Variants in CFAP69 observed in about 807,000 individuals in gnomAD.
CFAP69 encodes the protein cilia and flagella associated protein 69, also known as cilia- and flagella-associated protein 69.
In CFAP69, 92 loss-of-function variants were observed where a neutral mutation model predicts 123.0. That is an observed-to-expected ratio of 0.75 (90% CI 0.63 to 0.89). CFAP69 has a LOEUF of 0.89. Among genes scored for constraint, CFAP69 ranks in the 40% least tolerant of loss-of-function variants. The pLI is 0.00. For synonymous variants in CFAP69, 380 were observed against 364.3 expected (o/e 1.04, Z -0.49); for missense variants, 1,067 against 1,096.9 (o/e 0.97, Z 0.39).
chr7:90,292,769 G>A (rs777348071), intron 15 of CFAP69, among the ~76,000 whole-genome samples: 2 of 152,130 alleles, frequency 1.3e-5, no homozygotes, highest in Non-Finnish European at 2.9e-5. Flanking sequence ...TTAGACTTCT[G>A]TTAGTTTAGT....
the CFAP69 span, chr7:90,317,092 T>C: frequency 7.1e-6 from 1 of 140,880 alleles, no homozygotes; most frequent in Non-Finnish European, 1.5e-5. Context: ...TGTCAGGTCA[T>C]TTTTTTTTTT....
chr7:90,256,748 C>T (rs1288733235), intron 2 of CFAP69, among the ~76,000 whole-genome samples: 2 of 152,086 alleles, frequency 1.3e-5, no homozygotes, highest in East Asian at 3.8e-4. Context: ...ACTATATCTA[C>T]ATTTCCTTAA....
chr7:90,257,967 G>A (rs996091575), intron 2 of CFAP69, 131 bp from the exon 3 acceptor site: 36 of 614,424 alleles, frequency 5.9e-5, no homozygotes, highest in Non-Finnish European at 7.8e-5. Context: ...ATTTTATAAC[G>A]TTTACATTAT....
chr7:90,292,310 G>T lies in CFAP69; in HGVS notation c.1775+3958G>T, dbSNP rs201718437. Among the ~76,000 whole-genome samples the T allele has an allele frequency of 5.3e-5, 8 of 152,144 alleles. No homozygotes were observed. In the East Asian group the frequency reaches 7.7e-4, roughly 15 times the overall value. ...TCTTGAGGTCCCAAGATAACTTGGG[G>T]CTCCTGGGCCTGTCAGAAAGTGACA... On this transcript the variant is annotated intron_variant, in intron 15 of 22. Transcript: ENST00000389297.
At chr7:90,254,034 T>C (rs2116614120) in intron 1 of CFAP69, among the ~76,000 whole-genome samples, 1 of 152,314 alleles carries the variant, frequency 6.6e-6, no homozygotes, top group African/African-American at 2.4e-5. Flanking sequence ...CATAGGAGTC[T>C]AGTTTCATTC....
Position 90,309,264 on chromosome 7 carries a change from A to C in CFAP69, c.2552A>C (p.Lys851Thr). ...ARTSNAKTLK[K>T]AKSLQEKAIE... ...TCTTTCTAATTTAAAAATCCTCAGA[A>C]AGCAAAAAGCCTTCAAGAAAAAGCT... Residue 851 changes from lysine (K) to threonine (T), a missense_variant and splice_region_variant, in exon 22 of 23, where the codon AAA (lysine) becomes ACA (threonine). Lys to Thr is a moderately conservative substitution (Grantham distance 78). Transcript: ENST00000389297. The C allele has an allele frequency of 1.4e-6, 2 of 1,467,636 alleles. No individual in the cohort carries two copies. Among genetic ancestry groups the C allele is most frequent in the Non-Finnish European group, 1.8e-6 (2 of 1,086,144 alleles). The allele number at this position is 1,467,636 out of a possible 1,614,324, so 90.9% of individuals were successfully genotyped here.
Position 90,245,411 on chromosome 7 carries a change from C to G in CFAP69, c.-14C>G, listed in dbSNP as rs1339221860. On this transcript the variant is annotated 5_prime_UTR_variant, in exon 1 of 23. Transcript: ENST00000389297. ...AGGAAGATCCCCCCACTCTCCACCC[C>G]GCCGCCACCGGCCATGTGGACAGAG... is the stretch of plus-strand genomic sequence containing the variant. The G allele has an allele frequency of 6.5e-7, 1 of 1,538,338 alleles. No individual in the cohort carries two copies. Among genetic ancestry groups the G allele is most frequent in the Admixed American group, 2.1e-5 (1 of 48,688 alleles).
At chr7:90,261,393 C>T (rs761952017) in intron 3 of CFAP69, among the ~76,000 whole-genome samples, 17 of 152,138 alleles carry the variant, frequency 1.1e-4, no homozygotes, top group Non-Finnish European at 2.1e-4. Context: ...ATAAAAGATG[C>T]TTTTATCTGA....
At chr7:90,296,543 G>C (rs1233600587) in intron 15 of CFAP69, among the ~76,000 whole-genome samples, 1 of 151,932 alleles carries the variant, frequency 6.6e-6, no homozygotes, top group Non-Finnish European at 1.5e-5. Flanking sequence ...GACCAGGCTG[G>C]TCTCGAACTC....
At chr7:90,314,034 C>T (rs1562937848), downstream of CFAP69, among the ~76,000 whole-genome samples, 1 of 152,090 alleles carries the variant, frequency 6.6e-6, no homozygotes, top group Non-Finnish European at 1.5e-5. Flanking sequence ...AACCTATAAT[C>T]CCAGTCAAAC....
chr7:90,307,087 G>T lies in CFAP69; in HGVS notation c.2452G>T (p.Val818Leu). 1 of 1,610,288 alleles carries T rather than the reference G, an allele frequency of 6.2e-7. No homozygotes were observed. The highest frequency in any genetic ancestry group is 8.5e-7 in the Non-Finnish European group (1 of 1,178,944). Residue 818 changes from valine to leucine, a missense_variant, in exon 20 of 23, where the codon GTA becomes TTA. Transcript: ENST00000389297. The part of the protein sequence containing the change: ...ACQDMQNEQK[V>L]YAKIQATHKQ... ...CCAAGACATGCAAAATGAACAAAAAGTATATGCAAAAGTAAGCTACATAGG... is the reference window on the plus strand; with the variant it reads ...CCAAGACATGCAAAATGAACAAAAATTATATGCAAAAGTAAGCTACATAGG...
chr7:90,293,796 A>G (rs1196549015), intron 15 of CFAP69, among the ~76,000 whole-genome samples: 3 of 152,174 alleles, frequency 2.0e-5, no homozygotes, highest in African/African-American at 7.2e-5. Flanking sequence ...AGAAGTACAG[A>G]TAAGGTCTGA....
chr7:90,276,740 C>T (rs141867182), intron 9 of CFAP69, among the ~76,000 whole-genome samples: 220 of 152,188 alleles, frequency 1.4e-3, no homozygotes, highest in African/African-American at 5.0e-3. Flanking sequence ...GTATAGGTAA[C>T]GAATTATAGA....
At chr7:90,305,715 A>T (rs975927048) in intron 19 of CFAP69, among the ~76,000 whole-genome samples, 16 of 131,922 alleles carry the variant, frequency 1.2e-4, no homozygotes, top group African/African-American at 4.3e-4. Flanking sequence ...TTTATTTATT[A>T]AAATAAATTA....
At chr7:90,252,903 A>G (rs1272800976) in intron 1 of CFAP69, among the ~76,000 whole-genome samples, 8 of 152,214 alleles carry the variant, frequency 5.3e-5, no homozygotes, top group African/African-American at 1.9e-4. Flanking sequence ...AATAATGATT[A>G]TGTAGAAGTA....
chr7:90,305,502 C>A (rs1487164493), intron 19 of CFAP69, among the ~76,000 whole-genome samples: 1 of 151,336 alleles, frequency 6.6e-6, no homozygotes, highest in Non-Finnish European at 1.5e-5. Context: ...AAGTGATTCT[C>A]CTGCCTCAGC....
In CFAP69 at chr7:90,304,801, A is replaced by T; in HGVS notation, c.2246A>T (p.His749Leu). Residue 749 changes from histidine (H) to leucine (L), a missense_variant, in exon 19 of 23, where the codon CAT (histidine) becomes CTT (leucine). By Grantham distance (99) the His-to-Leu change is moderately conservative (BLOSUM62 -3). Coordinates refer to ENST00000389297, the MANE Select transcript of CFAP69 (RefSeq NM_001039706.3). The part of the protein sequence containing the change: ...AEDFVTLCII[H>L]RYLDFKIGEI... ...GATTTTGTCACCCTTTGTATCATAC[A>T]TAGATATCTTGATTTTAAAGTAAGT... The T allele has an allele frequency of 6.6e-7, 1 of 1,513,672 alleles. No individual in the cohort carries two copies. The highest frequency in any genetic ancestry group is 9.1e-7 in the Non-Finnish European group (1 of 1,099,480). 93.8% of individuals were successfully genotyped at this position (1,513,672 alleles called of 1,614,324 possible). A position where few individuals can be genotyped will look rare whatever the true frequency, so the allele number is the denominator to read the frequency against.
chr7:90,271,951 T>C lies in CFAP69; in HGVS notation c.853T>C (p.Cys285Arg), dbSNP rs1484851123. Residue 285 changes from cysteine (C) to arginine (R), a missense_variant, in exon 8 of 23, where the codon TGT (cysteine) becomes CGT (arginine). Physicochemically the swap from Cys to Arg is radical, Grantham distance 180 (BLOSUM62 -3). Coordinates refer to ENST00000389297, the MANE Select transcript of CFAP69 (RefSeq NM_001039706.3). Reference protein sequence around the residue: ...EVIQQLSNLECLLALKEVFKN... With the variant: ...EVIQQLSNLERLLALKEVFKN... ...CATACAACAGCTTAGTAACTTGGAA[T>C]GTTTGCTGTAAGCGTATGTGGTTAG... is the stretch of plus-strand genomic sequence containing the variant. 2.5e-6 allele frequency: 4 copies of C among 1,611,088 alleles called. No homozygotes were observed. The African/African-American group carries it at 4.0e-5, about 16-fold the overall frequency.
chr7:90,297,008 A>G (rs1476066707), intron 15 of CFAP69, among the ~76,000 whole-genome samples: 1 of 152,186 alleles, frequency 6.6e-6, no homozygotes, highest in Non-Finnish European at 1.5e-5. Flanking sequence ...ATACTTGGAC[A>G]GGGGAGGGGA....
Sources: allele counts gnomAD v4.1 joint callset (sites outside exome capture counted in the v4.1 genomes callset), GRCh38; gene constraint gnomAD v4.1.1; transcripts MANE v1.5; gene names NCBI Gene and HGNC (gene_info 2026-07-23, HGNC 2026-07-21).